RAC2: variants seen among roughly 807,000 people sequenced by gnomAD.
The protein encoded by RAC2 is Rac family small GTPase 2.
RAC2 carries 1 observed loss-of-function variant against 24.0 expected under a neutral mutation model. That is an observed-to-expected ratio of 0.04 (90% CI 0.01 to 0.20). The LOEUF (loss-of-function observed/expected upper bound fraction) is 0.20, where lower values mean the gene tolerates loss of function less well. RAC2 is among the 10% of genes least tolerant of loss of function. The probability of loss-of-function intolerance (pLI) is 1.00; values close to 1 mark genes in which losing one functional copy is unlikely to be tolerated. For missense variants in RAC2, 130 were observed against 259.1 expected (o/e 0.50, Z 3.42); for synonymous variants, 114 against 106.8 (o/e 1.07, Z -0.41).
At position 37,231,473 on chromosome 22, in the gene RAC2, G is replaced by T; in HGVS notation, c.289-83C>A. 1 of 1,367,504 alleles carries T rather than the reference G, an allele frequency of 7.3e-7. No homozygotes were observed. The highest frequency in any genetic ancestry group is 1.0e-6 in the Non-Finnish European group (1 of 969,346). The allele number at this position is 1,367,504 out of a possible 1,614,324, so 84.7% of individuals were successfully genotyped here. A position where few individuals can be genotyped will look rare whatever the true frequency, so the allele number is the denominator to read the frequency against. ...GTGCGGGGATCAGAGGGAGTGTGAG[G>T]GTGTAGGGAGAGGAGAGGCAGCAAG... is the stretch of plus-strand genomic sequence containing the variant. On this transcript the variant is annotated intron_variant, in intron 4 of 6. Coordinates refer to ENST00000249071, the MANE Select transcript of RAC2 (RefSeq NM_002872.5). The surrounding 1 kb of genome is among the most constrained non-coding windows in gnomAD (Gnocchi z 5.5).
intron 5 of RAC2, among the ~76,000 whole-genome samples, chr22:37,228,042 G>T (rs947822869): frequency 6.6e-6 from 1 of 152,138 alleles, no homozygotes; most frequent in Admixed American, 6.5e-5. Context: ...TCCCAGGGTT[G>T]CAAATAATCC....
chr22:37,232,744 G>A, intron 3 of RAC2, 57 bp downstream of exon 3: 1 of 1,450,250 alleles, frequency 6.9e-7, no homozygotes, highest in Non-Finnish European at 9.7e-7. Context: ...GGCATCCCAA[G>A]CAGAGGGAAC....
At chr22:37,242,588 T>C (rs1427261353) in intron 1 of RAC2, among the ~76,000 whole-genome samples, 1 of 152,142 alleles carries the variant, frequency 6.6e-6, no homozygotes, top group Non-Finnish European at 1.5e-5. Context: ...AGACAGCTCA[T>C]CCTCTCCTCC....
chr22:37,230,913 A>G (rs2145823112), intron 5 of RAC2, among the ~76,000 whole-genome samples: 1 of 152,224 alleles, frequency 6.6e-6, no homozygotes, highest in Middle Eastern at 3.4e-3. Flanking sequence ...TACTACTCAT[A>G]CTACTAGGAC....
chr22:37,233,057 C>T, intron 2 of RAC2, 139 bp from the exon 3 acceptor site: 2 of 701,600 alleles, frequency 2.9e-6, no homozygotes, highest in East Asian at 2.7e-5. Context: ...ACAGCATTTG[C>T]AATTGGGTTT....
chr22:37,234,020 G>T (rs2145825870), intron 2 of RAC2, among the ~76,000 whole-genome samples: 1 of 152,332 alleles, frequency 6.6e-6, no homozygotes, highest in South Asian at 2.1e-4. Context: ...ATGGTGTGAG[G>T]CACTGACCTT....
At chr22:37,228,527 G>C (rs1236578400) in intron 5 of RAC2, among the ~76,000 whole-genome samples, 2 of 152,278 alleles carry the variant, frequency 1.3e-5, no homozygotes, top group Non-Finnish European at 2.9e-5. Flanking sequence ...AGGGAGGGGA[G>C]GGGAACTCTG....
In RAC2 at chr22:37,231,441, C is replaced by G. The variant is rs754862203; in HGVS notation, c.289-51G>C. The G allele has an allele frequency of 1.0e-5, 16 of 1,567,868 alleles. No homozygotes were observed. Among genetic ancestry groups the G allele is most frequent in the Non-Finnish European group, 1.4e-5 (16 of 1,142,358 alleles). Reference sequence around the variant, plus strand: ...AGGTTGTATGGGTCAAGAGGGGGCGCGAGGCTGTGCGGGGATCAGAGGGAG... The same window carrying G: ...AGGTTGTATGGGTCAAGAGGGGGCGGGAGGCTGTGCGGGGATCAGAGGGAG... On this transcript the variant is annotated intron_variant, in intron 4 of 6. Transcript: ENST00000249071. This position sits in a 1 kb window ranked among gnomAD's most constrained non-coding sequence, Gnocchi z 5.5.
At chr22:37,241,250 C>T in intron 2 of RAC2, 1 of 723,792 alleles carries the variant, frequency 1.4e-6, no homozygotes, top group Non-Finnish European at 2.5e-6. Context: ...TGGATCACCT[C>T]CTCCAGCAGC....
intron 5 of RAC2, among the ~76,000 whole-genome samples, chr22:37,229,341 C>T (rs1926985679): frequency 2.0e-5 from 3 of 152,174 alleles, no homozygotes; most frequent in Admixed American, 2.0e-4. Context: ...ACAGATGGCC[C>T]TCAGCTTTGT....
At position 37,240,762 on chromosome 22, in the gene RAC2, C is replaced by T. The variant is rs143994118; in HGVS notation, c.107+825G>A. 615 of 481,378 alleles carry T rather than the reference C, an allele frequency of 1.3e-3. 5 individuals are homozygous for T. The highest frequency in any genetic ancestry group is 9.1e-3 in the African/African-American group (469 of 51,652). The allele number at this position is 481,378 out of a possible 1,614,324, so 29.8% of individuals were successfully genotyped here. On this transcript the variant is annotated intron_variant, in intron 2 of 6. Transcript: ENST00000249071. The stretch of plus-strand genomic sequence containing the variant: ...TTCGTGGTAGATCAGAAAGGCTTCC[C>T]GGAGGAGGGGGCACTGGAGCTGCGC...
intron 2 of RAC2, among the ~76,000 whole-genome samples, chr22:37,235,038 C>T (rs1927182670): frequency 6.6e-6 from 1 of 152,176 alleles, no homozygotes. Flanking sequence ...CCGATGCCTG[C>T]TTATTCTCCA....
chr22:37,239,640 C>T (rs1443413153), intron 2 of RAC2, among the ~76,000 whole-genome samples: 2 of 152,168 alleles, frequency 1.3e-5, no homozygotes, highest in Non-Finnish European at 2.9e-5. Context: ...CAAGCCTCTA[C>T]CTCTTATAGA....
intron 3 of RAC2, 160 bp downstream of exon 3, chr22:37,232,641 C>T: frequency 4.5e-6 from 3 of 665,572 alleles, no homozygotes; most frequent in Non-Finnish European, 8.2e-6. Context: ...CAAGAGGAAG[C>T]CCTTCTCTGC....
At chr22:37,240,770 G>A (rs147287487) in intron 2 of RAC2, 94 of 493,070 alleles carry the variant, frequency 1.9e-4, no homozygotes, top group African/African-American at 1.7e-3. Flanking sequence ...CCCGGAGGAG[G>A]GGGCACTGGA....
intron 2 of RAC2, chr22:37,240,932 A>G (rs1601677196): frequency 1.5e-6 from 1 of 686,090 alleles, no homozygotes; most frequent in East Asian, 2.7e-5. Flanking sequence ...AAGCAAAGTA[A>G]TGGGTAATAA....
rs148169045 is a variant in RAC2 at position 37,243,948 on chromosome 22, C to A, written c.35+166G>T. Among the ~76,000 whole-genome samples, 1,278 of 152,232 alleles carry A rather than the reference C, an allele frequency of 8.4e-3. 12 individuals carry two copies. The highest frequency in any genetic ancestry group is 0.029 in the African/African-American group (1,204 of 41,546). Reference sequence around the variant, plus strand: ...GAGGGTGAAGCTCCCCTCAGCCCACCCCCGGGTGCTCCCTGTGGGCCCTCG... The same window carrying A: ...GAGGGTGAAGCTCCCCTCAGCCCACACCCGGGTGCTCCCTGTGGGCCCTCG... On this transcript the variant is annotated intron_variant, in intron 1 of 6. Transcript: ENST00000249071.
chr22:37,242,981 CA>C (rs1286996046), intron 1 of RAC2, among the ~76,000 whole-genome samples: 1 of 152,008 alleles, frequency 6.6e-6, no homozygotes. Context: ...GACAGATTGA[CA>C]AATTGGACCT....
Position 37,244,168 on chromosome 22 carries a change from G to A in RAC2, c.-20C>T, listed in dbSNP as rs752891184. On this transcript the variant is annotated 5_prime_UTR_variant, in exon 1 of 7. Coordinates refer to ENST00000249071, the MANE Select transcript of RAC2 (RefSeq NM_002872.5). ...CTGCATCGTGTCCGGAGCCTGGAGA[G>A]TGTCGGTGGTGACAGCTCAGGGCCA... The A allele has an allele frequency of 6.8e-6, 11 of 1,613,540 alleles. No individual in the cohort carries two copies. In the African/African-American group the frequency reaches 1.2e-4, roughly 18 times the overall value.
Sources: gnomAD v4.1 joint callset for allele counts (sites outside exome capture counted in the v4.1 genomes callset) on GRCh38, gnomAD v4.1.1 for gene constraint, Gnocchi (gnomAD v3.1) non-coding constraint, MANE v1.5 for transcripts, NCBI Gene and HGNC (gene_info 2026-07-23, HGNC 2026-07-21) for gene names.